Variants in STPG2 observed in about 807,000 individuals in gnomAD.
STPG2 encodes the protein sperm-tail PG-rich repeat-containing protein 2.
STPG2 carries 56 observed loss-of-function variants against 54.2 expected under a neutral mutation model. That is an observed-to-expected ratio of 1.03 (90% CI 0.83 to 1.29). STPG2 has a LOEUF of 1.29. Among genes scored for constraint, STPG2 ranks in the 50% most tolerant of loss-of-function variants. STPG2 has a pLI of 0.00. For synonymous variants in STPG2, 200 were observed against 181.8 expected, an observed-to-expected ratio of 1.10 and a Z score of -0.81; for missense variants, 596 against 544.9, an observed-to-expected ratio of 1.09 and a Z score of -0.93.
intron 10 of STPG2, among the ~76,000 whole-genome samples, chr4:97,691,009 C>T (rs749505154): frequency 3.9e-5 from 6 of 152,080 alleles, no homozygotes; most frequent in South Asian, 2.1e-4. Context: ...CCTGTAAGAA[C>T]GCAATTAGTG....
intron 10 of STPG2, among the ~76,000 whole-genome samples, chr4:97,588,434 T>C (rs1352245215): frequency 2.6e-5 from 4 of 152,024 alleles, no homozygotes; most frequent in Non-Finnish European, 5.9e-5. Flanking sequence ...GTATTGAATA[T>C]GAGATATGAA....
At chr4:98,009,845 T>G (rs1361717119) in intron 5 of STPG2, among the ~76,000 whole-genome samples, 1 of 152,074 alleles carries the variant, frequency 6.6e-6, no homozygotes, top group Non-Finnish European at 1.5e-5. Flanking sequence ...CAGGGTTGTA[T>G]GTGTGCAGGA....
At chr4:97,623,225 CA>C (rs1243055458) in intron 10 of STPG2, among the ~76,000 whole-genome samples, 1 of 151,910 alleles carries the variant, frequency 6.6e-6, no homozygotes, top group Non-Finnish European at 1.5e-5. Flanking sequence ...ATGATGAAGA[CA>C]CCAAAAACAA....
intron 5 of STPG2, among the ~76,000 whole-genome samples, chr4:98,070,612 A>C (rs1023593163): frequency 6.6e-5 from 10 of 151,966 alleles, no homozygotes; most frequent in Admixed American, 2.0e-4. Flanking sequence ...ATCTAGAAAA[A>C]CCCATCATCT....
At chr4:97,967,968 A>G (rs1734173160) in intron 7 of STPG2, among the ~76,000 whole-genome samples, 1 of 152,174 alleles carries the variant, frequency 6.6e-6, no homozygotes, top group Admixed American at 6.5e-5. Context: ...GCAAGAGCAA[A>G]CACATTCAAA....
chr4:97,928,354 G>C (rs1261336058), intron 8 of STPG2, among the ~76,000 whole-genome samples: 1 of 152,128 alleles, frequency 6.6e-6, no homozygotes, highest in Non-Finnish European at 1.5e-5. Context: ...TCATTAATAT[G>C]TTTTGTTTCT....
chr4:97,980,577 T>C (rs1734642402), intron 6 of STPG2, among the ~76,000 whole-genome samples: 1 of 152,178 alleles, frequency 6.6e-6, no homozygotes, highest in African/African-American at 2.4e-5. Context: ...AGTACATCCT[T>C]TGAATAACAG....
At chr4:97,535,389 T>G (rs2148856335) in intron 4 of STPG2, among the ~76,000 whole-genome samples, 1 of 152,328 alleles carries the variant, frequency 6.6e-6, no homozygotes, top group East Asian at 1.9e-4. Flanking sequence ...CCACAATCAT[T>G]ATAAAGAACT....
chr4:98,018,292 T>C (rs1456003311), intron 5 of STPG2, among the ~76,000 whole-genome samples: 1 of 152,106 alleles, frequency 6.6e-6, no homozygotes, highest in African/African-American at 2.4e-5. Flanking sequence ...CTTGTGATAG[T>C]TTGCTGAGAA....
intron 10 of STPG2, among the ~76,000 whole-genome samples, chr4:97,632,005 CAG>C (rs1278560158): frequency 6.6e-6 from 1 of 151,902 alleles, no homozygotes; most frequent in East Asian, 1.9e-4. Flanking sequence ...ATTCCCAAAT[CAG>C]AATACATTAA....
chr4:98,019,681 C>G (rs960540358), intron 5 of STPG2, among the ~76,000 whole-genome samples: 1 of 140,036 alleles, frequency 7.1e-6, no homozygotes, highest in African/African-American at 2.7e-5. Flanking sequence ...TTTGTATCCT[C>G]TTTTATTTCA....
chr4:98,023,590 G>A (rs1009712416), intron 5 of STPG2, among the ~76,000 whole-genome samples: 1 of 152,196 alleles, frequency 6.6e-6, no homozygotes, highest in African/African-American at 2.4e-5. Context: ...GTCTGCAGAG[G>A]TTACTGCTGT....
chr4:97,910,521 G>A (rs1731636975), intron 8 of STPG2, among the ~76,000 whole-genome samples: 1 of 152,152 alleles, frequency 6.6e-6, no homozygotes. Context: ...GCGTTTTTAA[G>A]CACCAAATTG....
chr4:97,636,957 A>G (rs1721565134), intron 10 of STPG2, among the ~76,000 whole-genome samples: 1 of 152,174 alleles, frequency 6.6e-6, no homozygotes. Flanking sequence ...ATTCCAATCA[A>G]TAGAAAAAGA....
intron 8 of STPG2, among the ~76,000 whole-genome samples, chr4:97,920,186 A>G (rs544058667): frequency 4.5e-4 from 68 of 152,204 alleles, no homozygotes; most frequent in Non-Finnish European, 8.5e-4. Context: ...TCAGACATCA[A>G]TCTAGTGCAG....
chr4:97,859,299 G>C (rs1479239465), intron 8 of STPG2, among the ~76,000 whole-genome samples: 3 of 151,872 alleles, frequency 2.0e-5, no homozygotes, highest in African/African-American at 7.3e-5. Context: ...CTTGATATTG[G>C]TCCTTTGTTG....
At chr4:97,563,981 G>C (rs566926570) in intron 10 of STPG2, among the ~76,000 whole-genome samples, 4 of 152,218 alleles carry the variant, frequency 2.6e-5, no homozygotes, top group South Asian at 2.1e-4. Context: ...TCAATTCCTG[G>C]ATATCCTTTT....
At chr4:97,591,189 T>G (rs1217282455) in intron 10 of STPG2, among the ~76,000 whole-genome samples, 1 of 152,146 alleles carries the variant, frequency 6.6e-6, no homozygotes, top group Non-Finnish European at 1.5e-5. Context: ...TAAAGAAATT[T>G]AAAACTAAAG....
chr4:98,043,246 A>C (rs949482180), intron 5 of STPG2, among the ~76,000 whole-genome samples: 5 of 152,052 alleles, frequency 3.3e-5, no homozygotes, highest in Non-Finnish European at 7.4e-5. Flanking sequence ...AGTTTCTTAT[A>C]ACAGCACGCA....
Sources: allele counts gnomAD v4.1 joint callset (sites outside exome capture counted in the v4.1 genomes callset), GRCh38; gene constraint gnomAD v4.1.1; transcripts MANE v1.5; gene names NCBI Gene and HGNC (gene_info 2026-07-23, HGNC 2026-07-21).